The following GRIN2A variants were observed in gnomAD, a reference collection of about 807,000 sequenced individuals.
GRIN2A encodes glutamate receptor ionotropic, NMDA 2A.
GRIN2A carries 22 observed loss-of-function variants against 113.4 expected under a neutral mutation model. The observed-to-expected ratio is 0.19, with a 90% CI of 0.14 to 0.28. GRIN2A has a LOEUF of 0.28. GRIN2A is among the 10% of genes least tolerant of loss of function. The pLI, the probability that GRIN2A is intolerant of heterozygous loss-of-function variation, is 1.00. For missense variants in GRIN2A, 1,502 were observed against 1,887.0 expected, an observed-to-expected ratio of 0.80 and a Z score of 3.78; for synonymous variants, 827 against 738.4, an observed-to-expected ratio of 1.12 and a Z score of -1.94.
intron 3 of GRIN2A, among the ~76,000 whole-genome samples, chr16:9,922,358 A>T (rs2044373578): frequency 6.6e-6 from 1 of 152,166 alleles, no homozygotes; most frequent in African/African-American, 2.4e-5. Context: ...CTTAACAAAG[A>T]TTACAACCAT....
At chr16:9,768,783 C>T (rs1403044509) in intron 12 of GRIN2A, 68 bp downstream of exon 12, 14 of 1,001,876 alleles carry the variant, frequency 1.4e-5, no homozygotes, top group Non-Finnish European at 2.3e-5. Context: ...CCCACTGAGA[C>T]ATCAAGAACC....
intron 2 of GRIN2A, among the ~76,000 whole-genome samples, chr16:10,070,228 C>T (rs2047723936): frequency 6.6e-6 from 1 of 152,156 alleles, no homozygotes; most frequent in Admixed American, 6.5e-5. Flanking sequence ...GGTGCTCCTG[C>T]ACCACCTCGA....
At chr16:10,167,686 A>T (rs2049952780) in intron 2 of GRIN2A, among the ~76,000 whole-genome samples, 1 of 152,198 alleles carries the variant, frequency 6.6e-6, no homozygotes, top group Non-Finnish European at 1.5e-5. Context: ...GCTCTATTGT[A>T]TTATTTAGGT....
chr16:9,817,975 G>A (rs1264998419), intron 10 of GRIN2A, among the ~76,000 whole-genome samples: 1 of 152,062 alleles, frequency 6.6e-6, no homozygotes, highest in East Asian at 1.9e-4. Flanking sequence ...CTTCCAGAGG[G>A]ATGGAACCTT....
chr16:9,898,865 A>G (rs903402861), intron 3 of GRIN2A, among the ~76,000 whole-genome samples: 9 of 141,908 alleles, frequency 6.3e-5, no homozygotes, highest in African/African-American at 2.3e-4. Context: ...TTTGATGTCT[A>G]TCTTAGTGCT....
In GRIN2A at chr16:9,760,899, A is replaced by C. The variant is rs1026970766; in HGVS notation, c.*2250T>G. 3 of 232,568 alleles carry C rather than the reference A, an allele frequency of 1.3e-5. No individual in the cohort carries two copies. The highest frequency in any genetic ancestry group is 2.5e-5 in the Non-Finnish European group (3 of 117,732). 14.4% of individuals were successfully genotyped at this position (232,568 alleles called of 1,614,324 possible). On this transcript the variant is annotated 3_prime_UTR_variant, in exon 13 of 13. Transcript: ENST00000330684. Reference sequence around the variant, plus strand: ...GAAGGGCAGAAGGTAGAAAGGGCTAAAAGGCTACACAGTCATGGAGATTCA... The same window carrying C: ...GAAGGGCAGAAGGTAGAAAGGGCTACAAGGCTACACAGTCATGGAGATTCA...
chr16:9,946,098 A>C (rs1057099870), intron 2 of GRIN2A, among the ~76,000 whole-genome samples: 2 of 152,176 alleles, frequency 1.3e-5, no homozygotes, highest in African/African-American at 4.8e-5. Flanking sequence ...ATTGCTCTTG[A>C]ACTCAGCCCT....
chr16:9,862,685 T>C (rs1428252036), intron 4 of GRIN2A, among the ~76,000 whole-genome samples: 2 of 152,222 alleles, frequency 1.3e-5, no homozygotes, highest in South Asian at 4.1e-4. Context: ...TTGTGTGCTC[T>C]TAAAAGTGAT....
At chr16:10,140,223 T>A (rs968082111) in intron 2 of GRIN2A, among the ~76,000 whole-genome samples, 9 of 152,226 alleles carry the variant, frequency 5.9e-5, no homozygotes, top group Non-Finnish European at 1.3e-4. Context: ...TTCATTTTTT[T>A]AAATAAAATC....
chr16:10,170,001 A>G (rs894566147), intron 2 of GRIN2A, among the ~76,000 whole-genome samples: 2 of 152,202 alleles, frequency 1.3e-5, no homozygotes, highest in Admixed American at 1.3e-4. Flanking sequence ...TTTGAGCACC[A>G]TGATCTCAAA....
At chr16:9,831,155 G>A (rs2042485119) in intron 8 of GRIN2A, among the ~76,000 whole-genome samples, 1 of 152,202 alleles carries the variant, frequency 6.6e-6, no homozygotes, top group African/African-American at 2.4e-5. Context: ...TGGAAACAGA[G>A]AGCCTGGAGA....
intron 5 of GRIN2A, among the ~76,000 whole-genome samples, chr16:9,846,335 T>C (rs2042771765): frequency 6.6e-6 from 1 of 152,210 alleles, no homozygotes; most frequent in African/African-American, 2.4e-5. Context: ...ATTTATTCCA[T>C]GATGTATTCA....
chr16:9,915,088 C>G (rs2044219879), intron 3 of GRIN2A, among the ~76,000 whole-genome samples: 1 of 151,232 alleles, frequency 6.6e-6, no homozygotes, highest in African/African-American at 2.4e-5. Context: ...AGGCAACTGC[C>G]ACTGCACCCG....
chr16:10,055,629 G>A (rs555354203), intron 2 of GRIN2A, among the ~76,000 whole-genome samples: 1 of 152,294 alleles, frequency 6.6e-6, no homozygotes, highest in African/African-American at 2.4e-5. Flanking sequence ...TATTAACAGT[G>A]CACTGGCAAA....
intron 2 of GRIN2A, among the ~76,000 whole-genome samples, chr16:10,035,709 C>A (rs1054036581): frequency 1.1e-4 from 17 of 148,970 alleles, no homozygotes; most frequent in African/African-American, 4.2e-4. Flanking sequence ...AGAACCACTG[C>A]ACTGGATGAT....
intron 2 of GRIN2A, among the ~76,000 whole-genome samples, chr16:10,039,773 AGGGAGG>A (rs1159228270): frequency 2.1e-3 from 66 of 31,048 alleles, no homozygotes; most frequent in Middle Eastern, 0.05. Context: ...AGGGAGGGAG[AGGGAGG>A]GGGAGGGGGA....
At chr16:9,956,492 T>C (rs1176256523) in intron 2 of GRIN2A, among the ~76,000 whole-genome samples, 1 of 152,212 alleles carries the variant, frequency 6.6e-6, no homozygotes. Flanking sequence ...GTGAGCCAGA[T>C]GTCAATTATC....
intron 2 of GRIN2A, among the ~76,000 whole-genome samples, chr16:10,065,856 C>T (rs184833643): frequency 1.2e-3 from 178 of 152,170 alleles, no homozygotes; most frequent in African/African-American, 3.8e-3. Context: ...GGAGGGGGGG[C>T]GCTTAACATG....
chr16:10,041,531 C>T (rs1424856580), intron 2 of GRIN2A, among the ~76,000 whole-genome samples: 1 of 152,172 alleles, frequency 6.6e-6, no homozygotes, highest in Non-Finnish European at 1.5e-5. Context: ...ACAAGTATCT[C>T]TTAGGTAAGG....
Sources: gnomAD v4.1 joint callset for allele counts (sites outside exome capture counted in the v4.1 genomes callset) on GRCh38, gnomAD v4.1.1 for gene constraint, MANE v1.5 for transcripts, NCBI Gene and HGNC (gene_info 2026-07-23, HGNC 2026-07-21) for gene names.